PHF24: variants seen among roughly 807,000 people sequenced by gnomAD.
PHF24 encodes PHD finger protein 24.
A neutral mutation model predicts 42.6 loss-of-function variants in PHF24; 25 were observed. The observed-to-expected ratio is 0.59, with a 90% CI of 0.43 to 0.82. PHF24 has a LOEUF of 0.82. Ranked by LOEUF, PHF24 falls within the 40% of genes least tolerant of loss-of-function variation. The pLI, the probability that PHF24 is intolerant of heterozygous loss-of-function variation, is 0.00. For synonymous variants in PHF24, 185 were observed against 204.8 expected (o/e 0.90, Z 0.83); for missense variants, 470 against 538.1 (o/e 0.87, Z 1.25).
At chr9:34,809,037 T>TAAA in the PHF24 span, among the ~76,000 whole-genome samples, 11 of 104,078 alleles carry the variant, frequency 1.1e-4, no homozygotes, top group East Asian at 4.4e-4. This position sits in a 1 kb window ranked among gnomAD's most constrained non-coding sequence, Gnocchi z 4.1. Context: ...TAAAGTATAA[T>TAAA]AAAAAAAAAA....
At chr9:34,887,745 C>T in the PHF24 span, among the ~76,000 whole-genome samples, 1 of 152,116 alleles carries the variant, frequency 6.6e-6, no homozygotes, top group South Asian at 2.1e-4. Flanking sequence ...ATCTGGTCAC[C>T]TTCTATATAC....
At chr9:34,813,690 A>C in the PHF24 span, among the ~76,000 whole-genome samples, 3 of 152,202 alleles carry the variant, frequency 2.0e-5, no homozygotes, top group Non-Finnish European at 4.4e-5. Flanking sequence ...TGGCCACTTC[A>C]TTAAGCCAGA....
chr9:34,765,047 G>T, the PHF24 span, among the ~76,000 whole-genome samples: 2 of 152,048 alleles, frequency 1.3e-5, no homozygotes, highest in Non-Finnish European at 2.9e-5. Context: ...TAGTTTGATT[G>T]CACTGTGGTC....
chr9:34,882,579 A>C, the PHF24 span, among the ~76,000 whole-genome samples: 1 of 148,618 alleles, frequency 6.7e-6, no homozygotes, highest in African/African-American at 2.6e-5. Flanking sequence ...ACAGACAAAC[A>C]GAGAGCCAAA....
chr9:34,978,256 G>A, exon 8 of PHF24: 6 of 626,130 alleles, frequency 9.6e-6, no homozygotes, highest in South Asian at 9.3e-5. Context: ...TTAAGGCACT[G>A]AAATCACCAT....
chr9:34,926,669 G>A, the PHF24 span, among the ~76,000 whole-genome samples: 12 of 152,008 alleles, frequency 7.9e-5, no homozygotes, highest in African/African-American at 7.3e-5. This position sits in a 1 kb window ranked among gnomAD's most constrained non-coding sequence, Gnocchi z 4.3. Context: ...CTGTGTTGGC[G>A]TAGGAGACAG....
chr9:34,867,095 G>T, the PHF24 span, among the ~76,000 whole-genome samples: 1 of 152,148 alleles, frequency 6.6e-6, no homozygotes, highest in Non-Finnish European at 1.5e-5. Context: ...GCCTCTGGGG[G>T]TCTGGGCTGA....
the PHF24 span, among the ~76,000 whole-genome samples, chr9:34,774,049 G>A: frequency 6.6e-6 from 1 of 152,150 alleles, no homozygotes; most frequent in African/African-American, 2.4e-5. Flanking sequence ...GTGACTACAT[G>A]CAAAAATGCA....
the PHF24 span, among the ~76,000 whole-genome samples, chr9:34,776,000 C>T: frequency 1.3e-5 from 2 of 152,194 alleles, no homozygotes; most frequent in Non-Finnish European, 2.9e-5. Flanking sequence ...GAGAAGACCA[C>T]ATACTGTATG....
At chr9:34,866,582 C>G in the PHF24 span, among the ~76,000 whole-genome samples, 2 of 152,188 alleles carry the variant, frequency 1.3e-5, no homozygotes, top group Non-Finnish European at 2.9e-5. Flanking sequence ...AGCATTGACC[C>G]TGAGCTCAGT....
At chr9:34,826,576 C>T in the PHF24 span, among the ~76,000 whole-genome samples, 2 of 152,362 alleles carry the variant, frequency 1.3e-5, no homozygotes, top group East Asian at 1.9e-4. Context: ...GAAGCAGTCA[C>T]AGTCCCTGCC....
upstream of PHF24, among the ~76,000 whole-genome samples, chr9:34,952,889 C>A (rs1011172003): frequency 6.6e-6 from 1 of 152,212 alleles, no homozygotes; most frequent in African/African-American, 2.4e-5. Flanking sequence ...GTCTTTTCAA[C>A]AAAGTGTGCT....
chr9:34,951,593 C>A, the PHF24 span, among the ~76,000 whole-genome samples: 1 of 152,172 alleles, frequency 6.6e-6, no homozygotes, highest in Non-Finnish European at 1.5e-5. Context: ...GGAATGGGTT[C>A]TTCCCAAGAG....
chr9:34,781,121 A>G, the PHF24 span, among the ~76,000 whole-genome samples: 1 of 152,256 alleles, frequency 6.6e-6, no homozygotes, highest in African/African-American at 2.4e-5. Flanking sequence ...TTCCACTCCT[A>G]GGTAAATACC....
At chr9:34,689,110 T>C in the PHF24 span, among the ~76,000 whole-genome samples, 3 of 151,980 alleles carry the variant, frequency 2.0e-5, no homozygotes, top group African/African-American at 7.2e-5. The surrounding 1 kb of genome is among the most constrained non-coding windows in gnomAD (Gnocchi z 4.1). Flanking sequence ...ATGGGTATTT[T>C]CCCCCAGGCA....
chr9:34,824,502 G>A, the PHF24 span, among the ~76,000 whole-genome samples: 1 of 152,174 alleles, frequency 6.6e-6, no homozygotes, highest in African/African-American at 2.4e-5. Flanking sequence ...TAGTGGTAAG[G>A]ATAGGGTGGG....
the PHF24 span, among the ~76,000 whole-genome samples, chr9:34,884,323 T>C: frequency 1.3e-5 from 2 of 152,154 alleles, no homozygotes; most frequent in Admixed American, 6.5e-5. Flanking sequence ...TATATACATA[T>C]GTAACAAACC....
chr9:34,764,832 C>T, the PHF24 span, among the ~76,000 whole-genome samples: 1 of 151,702 alleles, frequency 6.6e-6, no homozygotes, highest in Non-Finnish European at 1.5e-5. Context: ...CTCTTGTGGG[C>T]ATTTAGTGCT....
At chr9:34,828,325 T>C in the PHF24 span, among the ~76,000 whole-genome samples, 1 of 152,208 alleles carries the variant, frequency 6.6e-6, no homozygotes, top group African/African-American at 2.4e-5. Flanking sequence ...TTCTATTCTG[T>C]GTCCTCTACA....
Sources: allele counts gnomAD v4.1 joint callset (sites outside exome capture counted in the v4.1 genomes callset), GRCh38; gene constraint gnomAD v4.1.1; non-coding constraint Gnocchi (gnomAD v3.1); transcripts MANE v1.5; gene names NCBI Gene and HGNC (gene_info 2026-07-23, HGNC 2026-07-21).